The following GIGYF2 variants were observed in gnomAD, a reference collection of about 807,000 sequenced individuals.
The protein encoded by GIGYF2 is GRB10-interacting GYF protein 2.
Under a neutral mutation model 208.1 loss-of-function variants are expected in GIGYF2, and 25 were observed. The observed-to-expected ratio is 0.12, with a 90% CI of 0.09 to 0.17. The LOEUF (loss-of-function observed/expected upper bound fraction) is 0.17, where lower values mean the gene tolerates loss of function less well. Ranked by LOEUF, GIGYF2 falls within the 10% of genes least tolerant of loss-of-function variation. The pLI, the probability that GIGYF2 is intolerant of heterozygous loss-of-function variation, is 1.00. For synonymous variants in GIGYF2, 534 were observed against 543.8 expected (o/e 0.98, Z 0.25); for missense variants, 1,302 against 1,579.4 (o/e 0.82, Z 2.98).
intron 17 of GIGYF2, among the ~76,000 whole-genome samples, chr2:232,811,628 A>G (rs1230764859): frequency 6.6e-6 from 1 of 152,248 alleles, no homozygotes; most frequent in Non-Finnish European, 1.5e-5. Context: ...GGAACCTGCG[A>G]CAGAAAAACT....
chr2:232,798,654 T>C (rs1010335583), intron 14 of GIGYF2, among the ~76,000 whole-genome samples: 1 of 152,226 alleles, frequency 6.6e-6, no homozygotes, highest in Non-Finnish European at 1.5e-5. Flanking sequence ...TTACATTACA[T>C]TTCCCTAATG....
At chr2:232,727,902 C>G (rs1697281225) in intron 2 of GIGYF2, among the ~76,000 whole-genome samples, 1 of 152,228 alleles carries the variant, frequency 6.6e-6, no homozygotes, top group African/African-American at 2.4e-5. Context: ...TTATCTGTCT[C>G]CCCAAATTCG....
At chr2:232,712,502 T>G (rs1030784252) in intron 2 of GIGYF2, among the ~76,000 whole-genome samples, 1 of 152,236 alleles carries the variant, frequency 6.6e-6, no homozygotes, top group East Asian at 1.9e-4. Context: ...AAGAATATAG[T>G]GACTGCTGGT....
chr2:232,740,043 G>A (rs28754842), intron 3 of GIGYF2, among the ~76,000 whole-genome samples: 3,735 of 152,026 alleles, frequency 0.025, 194 homozygotes, highest in African/African-American at 0.086. Flanking sequence ...ACTTGAACAC[G>A]GGAGGTGGAG....
At chr2:232,811,407 G>T in intron 17 of GIGYF2, 56 bp downstream of exon 17, 1 of 1,017,486 alleles carries the variant, frequency 9.8e-7, no homozygotes, top group South Asian at 1.3e-5. Context: ...GAAAGAAAGA[G>T]AAGAAAGGAG....
Position 232,790,687 on chromosome 2 carries a change from T to C in GIGYF2, c.713-11T>C, listed in dbSNP as rs775678665. On this transcript the variant is annotated splice_polypyrimidine_tract_variant and intron_variant, in intron 9 of 28. Transcript: ENST00000373563. ...ACTTTTCTAAGGTTTGTGTCCTCCT[T>C]CTCATCTCAGATGGCCCTCGTTCTG... The C allele has an allele frequency of 1.1e-5, 18 of 1,605,618 alleles. No homozygotes were observed. The highest frequency in any genetic ancestry group is 4.4e-5 in the South Asian group (4 of 90,942).
chr2:232,778,321 T>C (rs959802167), intron 8 of GIGYF2, among the ~76,000 whole-genome samples: 8 of 152,188 alleles, frequency 5.3e-5, no homozygotes, highest in Admixed American at 1.3e-4. Context: ...GGTTTCAATA[T>C]ATTGAGACAA....
At chr2:232,779,467 T>C (rs534690682) in intron 8 of GIGYF2, among the ~76,000 whole-genome samples, 2 of 152,236 alleles carry the variant, frequency 1.3e-5, no homozygotes, top group African/African-American at 4.8e-5. Flanking sequence ...TTCTGGCCTA[T>C]GTAAGTAGGT....
intron 2 of GIGYF2, among the ~76,000 whole-genome samples, chr2:232,719,352 A>G (rs1696839423): frequency 6.6e-6 from 1 of 152,122 alleles, no homozygotes; most frequent in Admixed American, 6.6e-5. Flanking sequence ...TTTTACCCAC[A>G]TGGGACTTAC....
intron 21 of GIGYF2, among the ~76,000 whole-genome samples, chr2:232,821,941 T>A (rs114354604): frequency 1.4e-3 from 81 of 57,248 alleles, no homozygotes; most frequent in African/African-American, 3.8e-3. Context: ...GTATAAATAT[T>A]TTTTTTTTTT....
At chr2:232,781,321 C>CACACACACAA (rs1054268008) in intron 8 of GIGYF2, among the ~76,000 whole-genome samples, 4 of 149,736 alleles carry the variant, frequency 2.7e-5, no homozygotes, top group Admixed American at 6.7e-5. Context: ...CACACACACA[C>CACACACACAA]AACTTATAAA....
At position 232,816,840 on chromosome 2, in the gene GIGYF2, A is replaced by G. The variant is rs764372469; in HGVS notation, c.2209-31A>G. 10 of 1,579,368 alleles carry G rather than the reference A, an allele frequency of 6.3e-6. No homozygotes were observed. In the Admixed American group the frequency reaches 1.3e-4, roughly 21 times the overall value. On this transcript the variant is annotated intron_variant, in intron 19 of 28. Transcript: ENST00000373563. ...CGGAGTGTTCCTGTGCTTGGTTTCA[A>G]GTTTCTAAGAGTACTCTTGTGTAAT...
At chr2:232,750,826 C>T (rs1227716790) in intron 5 of GIGYF2, among the ~76,000 whole-genome samples, 1 of 151,978 alleles carries the variant, frequency 6.6e-6, no homozygotes, top group Non-Finnish European at 1.5e-5. Context: ...TAGGTTCTCA[C>T]TCTGTCATCC....
Position 232,819,849 on chromosome 2 carries a change from G to C in GIGYF2, c.2393G>C (p.Arg798Pro). The change falls in exon 21 of 29, where the codon CGG becomes CCG. Residue 798 changes from arginine to proline, a missense_variant. Transcript: ENST00000373563. Reference sequence around the variant, plus strand: ...TAGGAAGAGGCTCTGCGTCGCCAGCGGGAGCAAGAAATTGCATTAAGGCGA... The same window carrying C: ...TAGGAAGAGGCTCTGCGTCGCCAGCCGGAGCAAGAAATTGCATTAAGGCGA... ...RKQEEALRRQ[R>P]EQEIALRRQR... The C allele has an allele frequency of 6.3e-7, 1 of 1,574,846 alleles. No homozygotes were observed. The highest frequency in any genetic ancestry group is 2.3e-5 in the East Asian group (1 of 43,878).
At chr2:232,758,672 G>T (rs1559408329) in intron 6 of GIGYF2, among the ~76,000 whole-genome samples, 1 of 152,152 alleles carries the variant, frequency 6.6e-6, no homozygotes, top group African/African-American at 2.4e-5. Context: ...TTATAACTGA[G>T]AAAATATTTT....
intron 3 of GIGYF2, among the ~76,000 whole-genome samples, chr2:232,737,946 T>C (rs1401068257): frequency 7.7e-6 from 1 of 130,460 alleles, no homozygotes; most frequent in Non-Finnish European, 1.6e-5. Context: ...GGAGTCAGCC[T>C]CGCTCTGTCG....
At chr2:232,845,385 A>G (rs927953729) in intron 25 of GIGYF2, among the ~76,000 whole-genome samples, 2 of 152,172 alleles carry the variant, frequency 1.3e-5, no homozygotes, top group Admixed American at 6.5e-5. Context: ...TTCATAGAAC[A>G]TCTTTATTAC....
chr2:232,711,727 A>ATATATATATATATATATATATATATATG (rs1696420074), intron 2 of GIGYF2, among the ~76,000 whole-genome samples: 1 of 141,606 alleles, frequency 7.1e-6, no homozygotes, highest in Non-Finnish European at 1.5e-5. Context: ...ATATATATAT[A>ATATATATATATATATATATATATATATG]GTTGTAATAG....
intron 8 of GIGYF2, chr2:232,776,682 A>G: frequency 1.8e-6 from 1 of 546,988 alleles, no homozygotes; most frequent in East Asian, 3.0e-5. Context: ...CATGTGGAAA[A>G]GAATGCTGGT....
Sources: gnomAD v4.1 joint callset for allele counts (sites outside exome capture counted in the v4.1 genomes callset) on GRCh38, gnomAD v4.1.1 for gene constraint, MANE v1.5 for transcripts, NCBI Gene and HGNC (gene_info 2026-07-23, HGNC 2026-07-21) for gene names.